TMEM45A: variants seen among roughly 807,000 people sequenced by gnomAD.
TMEM45A encodes transmembrane protein 45A.
In TMEM45A, 25 loss-of-function variants were observed where a neutral mutation model predicts 32.0. That is an observed-to-expected ratio of 0.78 (90% CI 0.57 to 1.09). The LOEUF is 1.09. TMEM45A is among the 50% of genes least tolerant of loss of function. TMEM45A has a pLI of 0.00. For missense variants in TMEM45A, 302 were observed against 325.0 expected, an observed-to-expected ratio of 0.93 and a Z score of 0.54; for synonymous variants, 122 against 114.8, an observed-to-expected ratio of 1.06 and a Z score of -0.40.
At chr3:100,574,611 T>G (rs1370406639) in intron 5 of TMEM45A, 2 of 152,244 alleles carry the variant, frequency 1.3e-5, no homozygotes, top group African/African-American at 2.4e-5. Flanking sequence ...TCACCATGCA[T>G]TTTAACAATT....
intron 1 of TMEM45A, among the ~76,000 whole-genome samples, chr3:100,515,455 A>C (rs1227799856): frequency 7.7e-6 from 1 of 130,346 alleles, no homozygotes; most frequent in Admixed American, 9.4e-5. Flanking sequence ...AGGAAGGGGA[A>C]CATCACACTC....
At chr3:100,495,165 G>A (rs1221685965) in intron 1 of TMEM45A, among the ~76,000 whole-genome samples, 1 of 152,210 alleles carries the variant, frequency 6.6e-6, no homozygotes, top group Non-Finnish European at 1.5e-5. Flanking sequence ...AGGCTATAAG[G>A]AGAGAGAGTC....
chr3:100,499,253 A>G (rs748952202), intron 1 of TMEM45A, among the ~76,000 whole-genome samples: 1 of 152,106 alleles, frequency 6.6e-6, no homozygotes, highest in Non-Finnish European at 1.5e-5. Context: ...TGTCATATCT[A>G]AGATATGATT....
At chr3:100,559,798 GATAAA>G (rs995201926) in intron 4 of TMEM45A, among the ~76,000 whole-genome samples, 11 of 150,222 alleles carry the variant, frequency 7.3e-5, no homozygotes, top group African/African-American at 2.2e-4. Flanking sequence ...AGCAATGACA[GATAAA>G]ATAAAATAAA....
chr3:100,551,337 A>C (rs543099219), intron 1 of TMEM45A, among the ~76,000 whole-genome samples: 2 of 152,164 alleles, frequency 1.3e-5, no homozygotes, highest in East Asian at 3.9e-4. Flanking sequence ...AGGAGGTTGT[A>C]AGTGGTAGGA....
At chr3:100,534,531 G>A (rs1180223062) in intron 1 of TMEM45A, among the ~76,000 whole-genome samples, 2 of 152,294 alleles carry the variant, frequency 1.3e-5, no homozygotes, top group East Asian at 3.9e-4. Flanking sequence ...GTATCTAGAA[G>A]CTGGAAAAGG....
chr3:100,574,028 C>T (rs1240262465), intron 5 of TMEM45A: 4 of 151,914 alleles, frequency 2.6e-5, no homozygotes, highest in Admixed American at 1.3e-4. Context: ...TTTTTGCATC[C>T]ATGTTCATCA....
chr3:100,519,460 A>G (rs2148946045), intron 1 of TMEM45A: 2 of 1,090,582 alleles, frequency 1.8e-6, no homozygotes, highest in South Asian at 1.4e-5. Flanking sequence ...TTTTTATTCC[A>G]GAAACTTTTC....
At chr3:100,555,551 AAATT>A in intron 2 of TMEM45A, 150 bp downstream of exon 2, 1 of 774,468 alleles carries the variant, frequency 1.3e-6, no homozygotes, top group African/African-American at 1.8e-5. Flanking sequence ...AAATGATATG[AAATT>A]AATCAAGTTA....
chr3:100,567,518 C>CAAAAAAAAAAAA (rs780009246), intron 4 of TMEM45A, among the ~76,000 whole-genome samples: 5 of 63,492 alleles, frequency 7.9e-5, no homozygotes, highest in Admixed American at 2.0e-4. Context: ...ACCATTTCTG[C>CAAAAAAAAAAAA]AAAAAAAAAA....
At chr3:100,493,825 G>A (rs1259864020) in intron 1 of TMEM45A, among the ~76,000 whole-genome samples, 4 of 151,982 alleles carry the variant, frequency 2.6e-5, no homozygotes, top group African/African-American at 7.3e-5. Flanking sequence ...TCTGCCTCCC[G>A]GGTTCAAGTG....
At chr3:100,514,091 A>T (rs893961402) in intron 1 of TMEM45A, among the ~76,000 whole-genome samples, 18 of 152,230 alleles carry the variant, frequency 1.2e-4, no homozygotes, top group African/African-American at 3.6e-4. Context: ...CTATCAAGCT[A>T]CCAATGACTT....
intron 4 of TMEM45A, among the ~76,000 whole-genome samples, chr3:100,558,797 C>T (rs896759659): frequency 2.0e-5 from 3 of 152,160 alleles, no homozygotes; most frequent in Non-Finnish European, 4.4e-5. Context: ...GCGTGCACAT[C>T]TTCATCACAC....
In TMEM45A at chr3:100,559,287, G is replaced by A. The variant is rs772448953; in HGVS notation, c.588+698G>A. 5.8e-4 allele frequency among the ~76,000 whole-genome samples: 89 copies of A among 152,274 alleles called. No homozygotes were observed. The Middle Eastern group carries it at 0.024, about 41-fold the overall frequency. On this transcript the variant is annotated intron_variant, in intron 4 of 5. Coordinates refer to ENST00000323523, the MANE Select transcript of TMEM45A (RefSeq NM_018004.3). ...AGTCTAGGATGGAAGGTGAATTTTG[G>A]TTTAATCAGGGAAGACTTCTTAGAA...
Position 100,556,893 on chromosome 3 carries a change from A to C in TMEM45A, c.324A>C (p.Ala108=), listed in dbSNP as rs757695193. ...MYFFFGLLGV[A]DILCFTISSL... ...TCTTCTTTGGGCTGTTGGGTGTGGCAGATATCTTATGTTTCACCATCAGTT... is the reference window on the plus strand; with the variant it reads ...TCTTCTTTGGGCTGTTGGGTGTGGCCGATATCTTATGTTTCACCATCAGTT... The change falls in exon 3 of 6, where the codon GCA becomes GCC. Residue 108 remains alanine, a synonymous_variant. Coordinates refer to ENST00000323523, the MANE Select transcript of TMEM45A (RefSeq NM_018004.3). 6.2e-7 allele frequency: 1 copy of C among 1,614,190 alleles called. No individual in the cohort carries two copies.
intron 1 of TMEM45A, among the ~76,000 whole-genome samples, chr3:100,498,838 C>T (rs367979624): frequency 2.2e-4 from 33 of 152,304 alleles, no homozygotes; most frequent in African/African-American, 7.0e-4. Flanking sequence ...TACATCCCTA[C>T]AGCAGTACAC....
chr3:100,541,583 T>G (rs1346200108), intron 1 of TMEM45A, among the ~76,000 whole-genome samples: 2 of 149,668 alleles, frequency 1.3e-5, no homozygotes, highest in Admixed American at 6.7e-5. Flanking sequence ...AGGCTGGAGT[T>G]TGATGGCACG....
Position 100,577,110 on chromosome 3 carries a change from G to A in TMEM45A, c.*92G>A, listed in dbSNP as rs1559657942. ...TCGATCTTTTGTTTGGAGAACAGCTGGCTAAGGATGACTCTAAGTGTACTG... is the reference window on the plus strand; with the variant it reads ...TCGATCTTTTGTTTGGAGAACAGCTAGCTAAGGATGACTCTAAGTGTACTG... On this transcript the variant is annotated 3_prime_UTR_variant, in exon 6 of 6. Coordinates refer to ENST00000323523, the MANE Select transcript of TMEM45A (RefSeq NM_018004.3). 1 of 1,010,896 alleles carries A rather than the reference G, an allele frequency of 9.9e-7. No individual in the cohort carries two copies. The highest frequency in any genetic ancestry group is 1.5e-6 in the Non-Finnish European group (1 of 673,496). The allele number at this position is 1,010,896 out of a possible 1,614,324, so 62.6% of individuals were successfully genotyped here.
intron 1 of TMEM45A, among the ~76,000 whole-genome samples, chr3:100,534,654 A>T (rs1391766489): frequency 1.3e-5 from 2 of 152,184 alleles, no homozygotes; most frequent in African/African-American, 4.8e-5. Context: ...ACTGTAAGAT[A>T]ATAAACTTGA....
Sources: gnomAD v4.1 joint callset for allele counts (sites outside exome capture counted in the v4.1 genomes callset) on GRCh38, gnomAD v4.1.1 for gene constraint, MANE v1.5 for transcripts, NCBI Gene and HGNC (gene_info 2026-07-23, HGNC 2026-07-21) for gene names.